FBLN2: variants seen among roughly 807,000 people sequenced by gnomAD.
The protein encoded by FBLN2 is fibulin 2.
Under a neutral mutation model 123.7 loss-of-function variants are expected in FBLN2, and 81 were observed. That is an observed-to-expected ratio of 0.65 (90% confidence interval 0.55 to 0.79). The LOEUF (loss-of-function observed/expected upper bound fraction) is 0.79, where lower values mean the gene tolerates loss of function less well. FBLN2 is among the 30% of genes least tolerant of loss of function. The probability of loss-of-function intolerance (pLI) is 0.00; values close to 1 mark genes in which losing one functional copy is unlikely to be tolerated. For synonymous variants in FBLN2, 699 were observed against 701.4 expected (o/e 1.00, Z 0.05); for missense variants, 1,603 against 1,681.3 (o/e 0.95, Z 0.81).
At chr3:13,561,949 A>G (rs911466761) in intron 1 of FBLN2, among the ~76,000 whole-genome samples, 3 of 152,204 alleles carry the variant, frequency 2.0e-5, no homozygotes, top group African/African-American at 7.2e-5. Flanking sequence ...ATTTGTAGGT[A>G]TTAAATGGTT....
Position 13,637,855 on chromosome 3 carries a change from G to T in FBLN2, c.3632G>T (p.Arg1211Met), listed in dbSNP as rs1706535249. 1 of 1,612,218 alleles carries T rather than the reference G, an allele frequency of 6.2e-7. No individual in the cohort carries two copies. Among genetic ancestry groups the T allele is most frequent in the East Asian group, 2.2e-5 (1 of 44,824 alleles). Residue 1211 changes from arginine (R) to methionine (M), a missense_variant, in exon 18 of 18, where the codon AGG (arginine) becomes ATG (methionine). Transcript: ENST00000404922. ...CTGGACGTGGAGATGAAGCTCTGGA[G>T]GCAGGGCTCCGTCACCACCTTCCTG... is the stretch of plus-strand genomic sequence containing the variant. ...FALDVEMKLW[R>M]QGSVTTFLAK...
At chr3:13,553,852 C>A (rs1703393769) in intron 1 of FBLN2, among the ~76,000 whole-genome samples, 1 of 152,246 alleles carries the variant, frequency 6.6e-6, no homozygotes, top group Non-Finnish European at 1.5e-5. Flanking sequence ...CAGACCCTGC[C>A]AGTCCCAGGT....
chr3:13,570,582 G>T lies in FBLN2; in HGVS notation c.227G>T (p.Gly76Val). Reference protein sequence around the residue: ...EGYQYYDCLQGGFVRGRVPAG... With the variant: ...EGYQYYDCLQVGFVRGRVPAG... ...TACCAGTACTATGACTGCCTACAGG[G>T]TGGCTTCGTGCGCGGCCGCGTGCCC... Residue 76 changes from glycine to valine, a missense_variant, in exon 2 of 18, where the codon GGT becomes GTT. Gly to Val is a moderately radical substitution (Grantham distance 109, BLOSUM62 -3). Transcript: ENST00000404922. 6.3e-7 allele frequency: 1 copy of T among 1,584,064 alleles called. No homozygotes were observed. The highest frequency in any genetic ancestry group is 8.6e-7 in the Non-Finnish European group (1 of 1,166,326).
chr3:13,632,869 C>T (rs952401972), intron 16 of FBLN2, among the ~76,000 whole-genome samples: 8 of 152,232 alleles, frequency 5.3e-5, no homozygotes, highest in East Asian at 3.9e-4. Context: ...GTATGGACTC[C>T]GTAAAAGGTA....
At position 13,625,772 on chromosome 3, in the gene FBLN2, AGGGATCCTT is replaced by A. The variant is rs566171032; in HGVS notation, c.2297-671_2297-663del. Among the ~76,000 whole-genome samples, 857 of 151,854 alleles carry A rather than the reference AGGGATCCTT, an allele frequency of 5.6e-3. 11 individuals carry two copies. Among genetic ancestry groups the A allele is most frequent in the African/African-American group, 0.02 (821 of 41,394 alleles). ...TCACCCCTATTCTCCAGCCCCTGCC[AGGGATCCTT>A]GCTCCAAATAAATAAGACCACTTTC... is the stretch of plus-strand genomic sequence containing the variant. On this transcript the variant is annotated intron_variant, in intron 9 of 17. Coordinates refer to ENST00000404922, the MANE Select transcript of FBLN2 (RefSeq NM_001004019.2).
intron 1 of FBLN2, among the ~76,000 whole-genome samples, chr3:13,558,672 TCCACCCGCCCAC>T (rs1703523693): frequency 1.4e-5 from 2 of 141,328 alleles, no homozygotes; most frequent in African/African-American, 5.4e-5. Flanking sequence ...CACCCATCCA[TCCACCCGCCCAC>T]CCACCCATCT....
intron 16 of FBLN2, among the ~76,000 whole-genome samples, chr3:13,634,686 C>T (rs1172576596): frequency 6.6e-6 from 1 of 152,270 alleles, no homozygotes; most frequent in East Asian, 1.9e-4. Context: ...CTGCGCCACC[C>T]TGGGGCCTAT....
Position 13,596,814 on chromosome 3 carries a change from C to T in FBLN2, c.1307-11248C>T, listed in dbSNP as rs556989663. On this transcript the variant is annotated intron_variant, in intron 2 of 17. Transcript: ENST00000404922. The stretch of plus-strand genomic sequence containing the variant: ...TACAAGTGGAATCATAGTCTTTATC[C>T]TTGTGTATCTGGCTTGTTTCACTTA... Among the ~76,000 whole-genome samples, 7 of 151,988 alleles carry T rather than the reference C, an allele frequency of 4.6e-5. No individual in the cohort carries two copies. In the East Asian group the frequency reaches 1.2e-3, roughly 25 times the overall value.
Position 13,571,087 on chromosome 3 carries a change from AC to A in FBLN2, c.738del (p.Trp247GlyfsTer27). 2.6e-6 allele frequency: 4 copies of A among 1,552,746 alleles called. No individual in the cohort carries two copies. The highest frequency in any genetic ancestry group is 3.5e-6 in the Non-Finnish European group (4 of 1,148,608). Reference sequence around the variant, plus strand: ...GTCAGCCACTGTCCACCATCCAGGCACCCCCCTGGCCAGCTGTCCTCCCCAG... The same window carrying A: ...GTCAGCCACTGTCCACCATCCAGGCACCCCCTGGCCAGCTGTCCTCCCCAG... ...GSQPLSTIQA[P>X]PWPAVLPRPT... On this transcript the variant is annotated frameshift_variant, in exon 2 of 18. Transcript: ENST00000404922. LOFTEE classifies it high-confidence loss of function.
intron 1 of FBLN2, among the ~76,000 whole-genome samples, chr3:13,552,014 T>A (rs1426390250): frequency 6.6e-6 from 1 of 152,048 alleles, no homozygotes. Flanking sequence ...TAATTTTCTA[T>A]TTTTTGTAGA....
chr3:13,550,407 T>C (rs1051259755), intron 1 of FBLN2, among the ~76,000 whole-genome samples: 1 of 152,206 alleles, frequency 6.6e-6, no homozygotes, highest in African/African-American at 2.4e-5. Flanking sequence ...CATATCAGCT[T>C]TGCAGTGATC....
chr3:13,571,114 G>T lies in FBLN2; in HGVS notation c.759G>T (p.Arg253Ser), dbSNP rs1703931352. The T allele has an allele frequency of 1.3e-6, 2 of 1,552,794 alleles. No individual in the cohort carries two copies. The highest frequency in any genetic ancestry group is 2.0e-5 in the Admixed American group (1 of 51,088). ...QAPPWPAVLPRPTAAAALGPP... is the reference protein window; with the variant it reads ...QAPPWPAVLPSPTAAAALGPP... ...CCCCCTGGCCAGCTGTCCTCCCCAG[G>T]CCCACAGCGGCTGCTGCCCTGGGTC... The change falls in exon 2 of 18, where the codon AGG becomes AGT. Residue 253 changes from arginine to serine, a missense_variant. Transcript: ENST00000404922.
At chr3:13,581,222 T>TGGGGGGGGGGGGGGGGGGG (rs138166929) in intron 2 of FBLN2, among the ~76,000 whole-genome samples, 1 of 42,366 alleles carries the variant, frequency 2.4e-5, no homozygotes, top group African/African-American at 8.2e-5. Flanking sequence ...AGGTGGGGGG[T>TGGGGGGGGGGGGGGGGGGG]GGGGGGGAGG....
chr3:13,571,409 G>C lies in FBLN2; in HGVS notation c.1054G>C (p.Gly352Arg). The C allele has an allele frequency of 6.2e-7, 1 of 1,612,964 alleles. No homozygotes were observed. The highest frequency in any genetic ancestry group is 8.5e-7 in the Non-Finnish European group (1 of 1,179,578). The change falls in exon 2 of 18, where the codon GGG becomes CGG. Residue 352 changes from glycine to arginine, a missense_variant. Transcript: ENST00000404922. The part of the protein sequence containing the change: ...LDAQATSRST[G>R]PEGVTHAPSL... ...TGCCCAAGCCACGTCCCGCAGCACT[G>C]GGCCGGAGGGCGTGACGCATGCACC...
chr3:13,576,652 G>A (rs1481869611), intron 2 of FBLN2, among the ~76,000 whole-genome samples: 1 of 152,040 alleles, frequency 6.6e-6, no homozygotes, highest in Non-Finnish European at 1.5e-5. Context: ...GAGAGAGGTC[G>A]GAATGCTCAG....
At chr3:13,614,709 T>C (rs1306213490) in intron 5 of FBLN2, among the ~76,000 whole-genome samples, 1 of 145,056 alleles carries the variant, frequency 6.9e-6, no homozygotes, top group East Asian at 2.2e-4. Flanking sequence ...CACCCACCCA[T>C]CCATCTATCC....
chr3:13,614,927 T>TCCATCCATCCATCCACCCAC (rs1705544094), intron 5 of FBLN2, among the ~76,000 whole-genome samples: 1 of 150,784 alleles, frequency 6.6e-6, no homozygotes, highest in Non-Finnish European at 1.5e-5. Flanking sequence ...CATCCATCCA[T>TCCATCCATCCATCCACCCAC]CCATCCATCC....
chr3:13,631,187 T>C, intron 15 of FBLN2, 142 bp from the exon 16 acceptor site: 1 of 1,107,364 alleles, frequency 9.0e-7, no homozygotes, highest in East Asian at 2.6e-5. Flanking sequence ...TGGGCAACTC[T>C]CTTCTACTCT....
At chr3:13,558,115 C>T (rs538899517) in intron 1 of FBLN2, among the ~76,000 whole-genome samples, 22 of 152,306 alleles carry the variant, frequency 1.4e-4, no homozygotes, top group African/African-American at 4.3e-4. Context: ...CTGAGGGACT[C>T]GCAGAGAGAC....
Sources: allele counts gnomAD v4.1 joint callset (sites outside exome capture counted in the v4.1 genomes callset), GRCh38; gene constraint gnomAD v4.1.1; transcripts MANE v1.5; gene names NCBI Gene and HGNC (gene_info 2026-07-23, HGNC 2026-07-21).